ADGRV1: variants seen among roughly 807,000 people sequenced by gnomAD.
The protein encoded by ADGRV1 is G-protein coupled receptor 98.
ADGRV1 carries 359 observed loss-of-function variants against 596.2 expected under a neutral mutation model. The observed-to-expected ratio is 0.60, with a 90% CI of 0.55 to 0.66. The LOEUF is 0.66. ADGRV1 is among the 30% of genes least tolerant of loss of function. The pLI, the probability that ADGRV1 is intolerant of heterozygous loss-of-function variation, is 0.00. For synonymous variants in ADGRV1, 2,681 were observed against 2,679.2 expected (o/e 1.00, Z -0.02); for missense variants, 7,274 against 7,575.6 (o/e 0.96, Z 1.48).
chr5:90,760,280 A>G (rs1276264692), intron 58 of ADGRV1, among the ~76,000 whole-genome samples: 3 of 151,058 alleles, frequency 2.0e-5, no homozygotes, highest in Non-Finnish European at 4.4e-5. Context: ...CGTCTCAAAA[A>G]AAAAAAAAAA....
At chr5:91,158,849 GTGGATGGATGGATGGATGGA>G (rs35809247) in intron 89 of ADGRV1, among the ~76,000 whole-genome samples, 72 of 146,210 alleles carry the variant, frequency 4.9e-4, no homozygotes, top group African/African-American at 1.1e-3. Context: ...ACATGGATGG[GTGGATGGATGGATGGATGGA>G]TGGATGGATG....
At chr5:91,153,098 C>T in intron 88 of ADGRV1, 123 bp from the exon 89 acceptor site, 2 of 692,512 alleles carry the variant, frequency 2.9e-6, no homozygotes, top group South Asian at 4.3e-5. Flanking sequence ...CAAAACAATG[C>T]CACTGCCGTT....
At chr5:90,954,354 C>T (rs964995288) in intron 83 of ADGRV1, among the ~76,000 whole-genome samples, 1 of 151,948 alleles carries the variant, frequency 6.6e-6, no homozygotes, top group Admixed American at 6.6e-5. Context: ...AATACTAATT[C>T]ACTTTTTTAA....
intron 87 of ADGRV1, among the ~76,000 whole-genome samples, chr5:91,137,485 G>GCTCTTTAACGTAT (rs1163824110): frequency 3.3e-5 from 5 of 152,290 alleles, no homozygotes; most frequent in Admixed American, 3.3e-4. Flanking sequence ...TTTTAACTGA[G>GCTCTTTAACGTAT]TGTAGCTCTA....
chr5:90,809,592 A>T (rs1225319094), intron 73 of ADGRV1, among the ~76,000 whole-genome samples: 2 of 152,206 alleles, frequency 1.3e-5, no homozygotes, highest in Non-Finnish European at 1.5e-5. Flanking sequence ...TTAAATTTAT[A>T]TTAAAACCAA....
intron 43 of ADGRV1, chr5:90,717,869 C>T (rs1750357673): frequency 6.6e-6 from 1 of 151,956 alleles, no homozygotes; most frequent in African/African-American, 2.4e-5. Context: ...CAGTCTGGTC[C>T]CAAACTCCTG....
chr5:90,560,646 TG>T (rs1754697913), intron 1 of ADGRV1, among the ~76,000 whole-genome samples: 1 of 152,116 alleles, frequency 6.6e-6, no homozygotes, highest in African/African-American at 2.4e-5. Context: ...GAGTCTATAA[TG>T]GGGCAAAGGT....
At chr5:90,995,543 G>C (rs962708223) in intron 85 of ADGRV1, among the ~76,000 whole-genome samples, 5 of 152,144 alleles carry the variant, frequency 3.3e-5, no homozygotes, top group African/African-American at 1.2e-4. Context: ...TTTTATAGGA[G>C]TGCGAGAATG....
chr5:90,938,834 A>C (rs1775934264), intron 83 of ADGRV1, among the ~76,000 whole-genome samples: 1 of 152,178 alleles, frequency 6.6e-6, no homozygotes, highest in Non-Finnish European at 1.5e-5. Context: ...AAGTAAAGTG[A>C]TGATTCTAGG....
intron 76 of ADGRV1, among the ~76,000 whole-genome samples, chr5:90,827,920 A>G (rs1764199040): frequency 6.6e-6 from 1 of 152,224 alleles, no homozygotes; most frequent in South Asian, 2.1e-4. Context: ...ACAAAACATA[A>G]TGGTCATTGC....
At chr5:90,738,431 G>A (rs1480050608) in intron 50 of ADGRV1, among the ~76,000 whole-genome samples, 1 of 151,964 alleles carries the variant, frequency 6.6e-6, no homozygotes, top group African/African-American at 2.4e-5. Flanking sequence ...CATGTTTTAT[G>A]TTATTAGTTA....
At chr5:91,061,967 A>C (rs1787473816) in intron 85 of ADGRV1, among the ~76,000 whole-genome samples, 1 of 152,130 alleles carries the variant, frequency 6.6e-6, no homozygotes, top group East Asian at 1.9e-4. Flanking sequence ...AGTTATTTCA[A>C]GTTGAAGGGG....
intron 83 of ADGRV1, among the ~76,000 whole-genome samples, chr5:90,923,073 ATTAT>A (rs1201936175): frequency 2.6e-5 from 4 of 152,204 alleles, no homozygotes; most frequent in Admixed American, 6.5e-5. Flanking sequence ...AACCCACCAA[ATTAT>A]TTATTTCTAT....
intron 76 of ADGRV1, chr5:90,825,781 G>T (rs1289013589): frequency 2.0e-5 from 3 of 152,180 alleles, no homozygotes; most frequent in African/African-American, 7.2e-5. Context: ...CAATACATGG[G>T]ATGCTAACTG....
intron 4 of ADGRV1, among the ~76,000 whole-genome samples, chr5:90,621,320 G>A (rs1325588718): frequency 6.6e-6 from 1 of 152,080 alleles, no homozygotes; most frequent in African/African-American, 2.4e-5. Context: ...TGAAAGAAGT[G>A]GGCTATAAGT....
At chr5:91,142,387 A>G (rs1255634313) in intron 87 of ADGRV1, among the ~76,000 whole-genome samples, 1 of 152,212 alleles carries the variant, frequency 6.6e-6, no homozygotes, top group African/African-American at 2.4e-5. Context: ...TTTTGAGATG[A>G]AGAGAGCATA....
At chr5:91,106,111 CT>C (rs1237291662) in intron 87 of ADGRV1, among the ~76,000 whole-genome samples, 2 of 151,926 alleles carry the variant, frequency 1.3e-5, no homozygotes, top group Non-Finnish European at 2.9e-5. Context: ...ACATTTAGGT[CT>C]TTGATCCATT....
chr5:90,881,727 G>A (rs1769794119), intron 83 of ADGRV1, among the ~76,000 whole-genome samples: 1 of 151,960 alleles, frequency 6.6e-6, no homozygotes, highest in Non-Finnish European at 1.5e-5. Flanking sequence ...TATGCAATGT[G>A]GGACTTTAAA....
intron 89 of ADGRV1, among the ~76,000 whole-genome samples, chr5:91,161,855 G>T (rs929077105): frequency 6.6e-6 from 1 of 152,178 alleles, no homozygotes; most frequent in Non-Finnish European, 1.5e-5. Context: ...CTGTAAAAAG[G>T]TATAGAGATG....
Sources: gnomAD v4.1 joint callset for allele counts (sites outside exome capture counted in the v4.1 genomes callset) on GRCh38, gnomAD v4.1.1 for gene constraint, MANE v1.5 for transcripts, NCBI Gene and HGNC (gene_info 2026-07-23, HGNC 2026-07-21) for gene names.